The following TP63 variants were observed in gnomAD, a reference collection of about 807,000 sequenced individuals.
The protein encoded by TP63 is tumor protein 63.
TP63 carries 17 observed loss-of-function variants against 82.8 expected under a neutral mutation model. The ratio of observed to expected loss-of-function variants is 0.21; its 90% CI spans 0.14 to 0.31. The LOEUF is 0.31. Among genes scored for constraint, TP63 ranks in the 10% least tolerant of loss-of-function variants. The probability of loss-of-function intolerance (pLI) is 1.00; values close to 1 mark genes in which losing one functional copy is unlikely to be tolerated. For synonymous variants in TP63, 330 were observed against 321.7 expected (o/e 1.03, Z -0.28); for missense variants, 648 against 895.3 (o/e 0.72, Z 3.52).
chr3:189,756,665 A>G (rs1222565483), intron 3 of TP63, among the ~76,000 whole-genome samples: 1 of 152,196 alleles, frequency 6.6e-6, no homozygotes, highest in Non-Finnish European at 1.5e-5. Flanking sequence ...CAGAGAATTT[A>G]TTGCCTAGGG....
intron 1 of TP63, among the ~76,000 whole-genome samples, chr3:189,674,268 A>G (rs1920282): frequency 0.46 from 69,105 of 151,858 alleles, 16,096 homozygotes; most frequent in East Asian, 0.68. Flanking sequence ...ATTGGGACCT[A>G]TTCAATCCTG....
chr3:189,733,602 T>G (rs1720329957), intron 1 of TP63, among the ~76,000 whole-genome samples: 1 of 152,224 alleles, frequency 6.6e-6, no homozygotes, highest in African/African-American at 2.4e-5. Context: ...ATTTTGGTTT[T>G]GGAATAATTC....
chr3:189,704,666 A>G (rs1718068517), intron 1 of TP63, among the ~76,000 whole-genome samples: 1 of 152,250 alleles, frequency 6.6e-6, no homozygotes, highest in African/African-American at 2.4e-5. Context: ...GGCCTAGCAC[A>G]GTGCTCAGCA....
intron 4 of TP63, among the ~76,000 whole-genome samples, chr3:189,842,255 G>T (rs367699006): frequency 1.3e-5 from 2 of 152,004 alleles, no homozygotes; most frequent in Admixed American, 1.3e-4. Flanking sequence ...TGTATGTCAC[G>T]TCTGTGTCCA....
intron 11 of TP63, among the ~76,000 whole-genome samples, chr3:189,888,293 A>C (rs1171379216): frequency 1.3e-5 from 2 of 152,208 alleles, no homozygotes; most frequent in Non-Finnish European, 2.9e-5. Context: ...TGACCCCTTG[A>C]CAGGCCTACT....
At chr3:189,719,094 A>C (rs1277575476) in intron 1 of TP63, among the ~76,000 whole-genome samples, 1 of 152,108 alleles carries the variant, frequency 6.6e-6, no homozygotes, top group Non-Finnish European at 1.5e-5. Flanking sequence ...TAGCAGCAAG[A>C]ACAAAACTCA....
intron 1 of TP63, among the ~76,000 whole-genome samples, chr3:189,730,778 C>T (rs1052244619): frequency 6.6e-6 from 1 of 152,150 alleles, no homozygotes; most frequent in African/African-American, 2.4e-5. Flanking sequence ...CTTACAACTG[C>T]TGACACCCTG....
At chr3:189,631,819 A>G (rs955390603) in intron 1 of TP63, among the ~76,000 whole-genome samples, 3 of 152,166 alleles carry the variant, frequency 2.0e-5, no homozygotes, top group African/African-American at 7.2e-5. Flanking sequence ...AAAAAAAATT[A>G]TCACGCCATT....
intron 1 of TP63, among the ~76,000 whole-genome samples, chr3:189,648,951 A>G (rs1376662054): frequency 6.8e-6 from 1 of 147,274 alleles, no homozygotes. Flanking sequence ...GCAGGATTAA[A>G]TTCCTGGAAT....
At chr3:189,784,377 A>G (rs1724443596) in intron 3 of TP63, among the ~76,000 whole-genome samples, 1 of 152,102 alleles carries the variant, frequency 6.6e-6, no homozygotes, top group Non-Finnish European at 1.5e-5. Context: ...AAATATTAAG[A>G]TGTAATTAAA....
chr3:189,741,861 T>G (rs1356969954), intron 3 of TP63, among the ~76,000 whole-genome samples: 1 of 152,170 alleles, frequency 6.6e-6, no homozygotes, highest in Admixed American at 6.5e-5. Flanking sequence ...ATTGGGTTAG[T>G]AAGTAAAGGT....
chr3:189,665,225 G>T (rs115192865), intron 1 of TP63, among the ~76,000 whole-genome samples: 1 of 152,180 alleles, frequency 6.6e-6, no homozygotes, highest in East Asian at 1.9e-4. Flanking sequence ...TGGCCATGTT[G>T]GGAGTATTTA....
At chr3:189,645,892 T>C (rs1712386642) in intron 1 of TP63, among the ~76,000 whole-genome samples, 1 of 147,522 alleles carries the variant, frequency 6.8e-6, no homozygotes, top group Non-Finnish European at 1.5e-5. Context: ...TTATCCACTA[T>C]GTTGGTTGAT....
At chr3:189,799,045 C>T (rs564015426) in intron 3 of TP63, among the ~76,000 whole-genome samples, 3 of 152,184 alleles carry the variant, frequency 2.0e-5, no homozygotes, top group East Asian at 1.9e-4. Flanking sequence ...CAGTGTTCCC[C>T]GCTTGAATGC....
At chr3:189,866,649 G>T in intron 5 of TP63, 33 bp from the exon 6 acceptor site, 2 of 1,584,328 alleles carry the variant, frequency 1.3e-6, no homozygotes, top group Non-Finnish European at 1.7e-6. Flanking sequence ...TTAAGGTAAA[G>T]AACTAACTCT....
At chr3:189,768,838 CA>C (rs1485032919) in intron 3 of TP63, among the ~76,000 whole-genome samples, 5 of 151,940 alleles carry the variant, frequency 3.3e-5, no homozygotes, top group African/African-American at 4.8e-5. Context: ...TGAACAACAG[CA>C]AAAAAGCACA....
chr3:189,845,209 G>A (rs1420416890), intron 4 of TP63, among the ~76,000 whole-genome samples: 1 of 152,154 alleles, frequency 6.6e-6, no homozygotes, highest in African/African-American at 2.4e-5. Flanking sequence ...AGATAGTACA[G>A]ACAACACTTT....
At chr3:189,820,633 T>G (rs1728704384) in intron 4 of TP63, among the ~76,000 whole-genome samples, 1 of 152,170 alleles carries the variant, frequency 6.6e-6, no homozygotes, top group South Asian at 2.1e-4. Flanking sequence ...AGTGGAGCCT[T>G]TTACAGAAGT....
chr3:189,618,560 C>T, the TP63 span, among the ~76,000 whole-genome samples: 2 of 152,134 alleles, frequency 1.3e-5, no homozygotes, highest in African/African-American at 2.4e-5. Context: ...CACCCTTGGC[C>T]TCTGTTCTTG....
Sources: allele counts gnomAD v4.1 joint callset (sites outside exome capture counted in the v4.1 genomes callset), GRCh38; gene constraint gnomAD v4.1.1; transcripts MANE v1.5; gene names NCBI Gene and HGNC (gene_info 2026-07-23, HGNC 2026-07-21).